SLC39A8: variants seen among roughly 807,000 people sequenced by gnomAD.
SLC39A8 encodes solute carrier family 39 member 8.
Under a neutral mutation model 40.4 loss-of-function variants are expected in SLC39A8, and 15 were observed. That is an observed-to-expected ratio of 0.37 (90% CI 0.25 to 0.57). SLC39A8 has a LOEUF of 0.57. SLC39A8 is among the 20% of genes least tolerant of loss of function. SLC39A8 has a pLI of 0.75. For synonymous variants in SLC39A8, 223 were observed against 221.6 expected, an observed-to-expected ratio of 1.01 and a Z score of -0.06; for missense variants, 472 against 558.8, an observed-to-expected ratio of 0.84 and a Z score of 1.57.
chr4:102,326,056 C>T (rs750825847), intron 2 of SLC39A8, among the ~76,000 whole-genome samples: 2 of 152,172 alleles, frequency 1.3e-5, no homozygotes, highest in Non-Finnish European at 2.9e-5. Context: ...AGATCCTTCG[C>T]TTCCCACCCC....
At chr4:102,321,383 A>C (rs528667296) in intron 2 of SLC39A8, among the ~76,000 whole-genome samples, 8 of 152,184 alleles carry the variant, frequency 5.3e-5, no homozygotes, top group Non-Finnish European at 1.2e-4. Context: ...GTGGGAGAAT[A>C]GGATGGAGCC....
At chr4:102,343,095 T>C (rs547753096) in intron 2 of SLC39A8, among the ~76,000 whole-genome samples, 7 of 152,300 alleles carry the variant, frequency 4.6e-5, no homozygotes, top group South Asian at 2.1e-4. Flanking sequence ...ATTTCTCAGA[T>C]ATTACCCCAG....
chr4:102,303,309 C>T (rs920724431), intron 6 of SLC39A8, among the ~76,000 whole-genome samples: 2 of 151,918 alleles, frequency 1.3e-5, no homozygotes, highest in Admixed American at 6.6e-5. Context: ...TTGATAACCA[C>T]TCCTCTACTC....
intron 2 of SLC39A8, among the ~76,000 whole-genome samples, chr4:102,321,599 G>A (rs1160639371): frequency 6.6e-6 from 1 of 152,040 alleles, no homozygotes; most frequent in African/African-American, 2.4e-5. Context: ...AATTTTTTCT[G>A]GTCGTGTGAC....
At chr4:102,337,104 T>A (rs957680748) in intron 2 of SLC39A8, among the ~76,000 whole-genome samples, 2 of 152,064 alleles carry the variant, frequency 1.3e-5, no homozygotes, top group African/African-American at 4.8e-5. Context: ...ATTGCCTTCA[T>A]TAGATGTTGC....
intron 6 of SLC39A8, among the ~76,000 whole-genome samples, chr4:102,271,954 T>C (rs928279609): frequency 3.3e-5 from 5 of 151,882 alleles, no homozygotes; most frequent in Non-Finnish European, 5.9e-5. Flanking sequence ...CCCTGAGAGG[T>C]TGGAGTTCTG....
chr4:102,306,526 C>G (rs1400680629), intron 4 of SLC39A8, among the ~76,000 whole-genome samples: 1 of 151,384 alleles, frequency 6.6e-6, no homozygotes, highest in East Asian at 1.9e-4. Flanking sequence ...CAATGTATAG[C>G]TTGAAAAATT....
At chr4:102,268,966 T>C (rs572707202) in intron 6 of SLC39A8, among the ~76,000 whole-genome samples, 2 of 152,328 alleles carry the variant, frequency 1.3e-5, no homozygotes, top group South Asian at 4.1e-4. Context: ...TGCAATTAAC[T>C]GGAGAACATT....
At chr4:102,341,238 T>A (rs1222550464) in intron 2 of SLC39A8, among the ~76,000 whole-genome samples, 2 of 152,130 alleles carry the variant, frequency 1.3e-5, no homozygotes, top group African/African-American at 4.8e-5. Context: ...AAAATATATA[T>A]CAGAAGAAGA....
At chr4:102,317,791 A>G (rs1046906184) in intron 2 of SLC39A8, among the ~76,000 whole-genome samples, 2 of 152,194 alleles carry the variant, frequency 1.3e-5, no homozygotes, top group African/African-American at 4.8e-5. Context: ...ATGCCTATAG[A>G]TAATCTCCAA....
At chr4:102,319,441 A>C (rs2149043224) in intron 2 of SLC39A8, among the ~76,000 whole-genome samples, 1 of 152,284 alleles carries the variant, frequency 6.6e-6, no homozygotes, top group East Asian at 1.9e-4. Context: ...ATCCATCCTT[A>C]CAGGACCTGC....
At chr4:102,338,978 AT>A (rs1735794552) in intron 2 of SLC39A8, among the ~76,000 whole-genome samples, 1 of 152,238 alleles carries the variant, frequency 6.6e-6, no homozygotes, top group South Asian at 2.1e-4. Context: ...GTGGGTAAAG[AT>A]GTGATTTTGG....
At position 102,315,848 on chromosome 4, in the gene SLC39A8, A is replaced by C. The variant is rs1460438064; in HGVS notation, c.220-18T>G. ...GTTAAACACTGAAATAGAATAAACA[A>C]AAAAAAAATGTGATAATAATGTGTA... On this transcript the variant is annotated intron_variant, in intron 2 of 8. Transcript: ENST00000356736. 1 of 1,585,752 alleles carries C rather than the reference A, an allele frequency of 6.3e-7. No homozygotes were observed. Among genetic ancestry groups the C allele is most frequent in the Non-Finnish European group, 8.6e-7 (1 of 1,166,524 alleles).
downstream of SLC39A8, among the ~76,000 whole-genome samples, chr4:102,257,687 C>T (rs1046843554): frequency 6.6e-6 from 1 of 152,196 alleles, no homozygotes; most frequent in Non-Finnish European, 1.5e-5. Context: ...GTTGAAAAGT[C>T]TATGTCCCCA....
chr4:102,315,839 G>GA lies in SLC39A8; in HGVS notation c.220-10dup. On this transcript the variant is annotated splice_polypyrimidine_tract_variant and intron_variant, in intron 2 of 8. Coordinates refer to ENST00000356736, the MANE Select transcript of SLC39A8 (RefSeq NM_001135146.2). ...TCTTCAGCAGTTAAACACTGAAATAGAATAAACAAAAAAAAAATGTGATAA... is the reference window on the plus strand; with the variant it reads ...TCTTCAGCAGTTAAACACTGAAATAGAAATAAACAAAAAAAAAATGTGATAA... 1.3e-6 allele frequency: 2 copies of GA among 1,573,146 alleles called. No homozygotes were observed. The highest frequency in any genetic ancestry group is 2.8e-5 in the African/African-American group (2 of 71,598).
intron 2 of SLC39A8, among the ~76,000 whole-genome samples, chr4:102,321,166 G>C (rs887836933): frequency 6.6e-6 from 1 of 152,064 alleles, no homozygotes; most frequent in African/African-American, 2.4e-5. Flanking sequence ...TAAAACCAGA[G>C]AGGAAATTAT....
Position 102,344,809 on chromosome 4 carries a change from T to C in SLC39A8, c.-147A>G, listed in dbSNP as rs527900323. On this transcript the variant is annotated 5_prime_UTR_variant, in exon 2 of 9. Coordinates refer to ENST00000356736, the MANE Select transcript of SLC39A8 (RefSeq NM_001135146.2). ...AGGTGGCGCGGGACGCCCCTGGTTC[T>C]CCGACGCCTTCGAAAGAACAGCAGC... 1.2e-5 allele frequency: 16 copies of C among 1,321,390 alleles called. No individual in the cohort carries two copies. The South Asian group carries it at 3.1e-4, about 26-fold the overall frequency. 81.9% of individuals were successfully genotyped at this position (1,321,390 alleles called of 1,614,324 possible).
chr4:102,344,767 G>A lies in SLC39A8; in HGVS notation c.-105C>T. ...CCAAGGGCGGGAGCGTCAGTGCTCG[G>A]CGCTGCTCCGAGTCAGAGGTGGCGC... On this transcript the variant is annotated 5_prime_UTR_variant, in exon 2 of 9. Coordinates refer to ENST00000356736, the MANE Select transcript of SLC39A8 (RefSeq NM_001135146.2). The A allele has an allele frequency of 3.8e-6, 5 of 1,330,574 alleles. No individual in the cohort carries two copies. Among genetic ancestry groups the A allele is most frequent in the Non-Finnish European group, 1.9e-6 (2 of 1,045,514 alleles). The allele number at this position is 1,330,574 out of a possible 1,614,324, so 82.4% of individuals were successfully genotyped here.
chr4:102,293,331 A>G (rs1391233696), intron 6 of SLC39A8, among the ~76,000 whole-genome samples: 1 of 152,048 alleles, frequency 6.6e-6, no homozygotes, highest in Non-Finnish European at 1.5e-5. Context: ...TAAAGTTGGA[A>G]ACAAGACAAA....
Sources: allele counts gnomAD v4.1 joint callset (sites outside exome capture counted in the v4.1 genomes callset), GRCh38; gene constraint gnomAD v4.1.1; transcripts MANE v1.5; gene names NCBI Gene and HGNC (gene_info 2026-07-23, HGNC 2026-07-21).